Variants in AKNA observed in about 807,000 individuals in gnomAD.
The protein encoded by AKNA is microtubule organization protein AKNA.
Under a neutral mutation model 138.8 loss-of-function variants are expected in AKNA, and 67 were observed. That is an observed-to-expected ratio of 0.48 (90% CI 0.40 to 0.59). AKNA has a LOEUF of 0.59. Among genes scored for constraint, AKNA ranks in the 20% least tolerant of loss-of-function variants. The pLI is 0.00. For synonymous variants in AKNA, 737 were observed against 754.4 expected (o/e 0.98, Z 0.38); for missense variants, 1,813 against 1,880.4 (o/e 0.96, Z 0.66).
chr9:114,358,894 C>T (rs529717776), intron 11 of AKNA, among the ~76,000 whole-genome samples: 17 of 152,058 alleles, frequency 1.1e-4, no homozygotes, highest in South Asian at 8.3e-4. Flanking sequence ...TTAATGGGTG[C>T]AGCACACCAA....
Position 114,359,885 on chromosome 9 carries a change from G to A in AKNA, c.2291+11C>T. ...GGCCAGACACCCTGGTCAGGTCCAG[G>A]TGGCACTCACCGCTCCATGAGGCCA... On this transcript the variant is annotated intron_variant, in intron 10 of 21. Coordinates refer to ENST00000374088, the MANE Select transcript of AKNA (RefSeq NM_001317950.2). 1 of 1,614,200 alleles carries A rather than the reference G, an allele frequency of 6.2e-7. No homozygotes were observed. The highest frequency in any genetic ancestry group is 1.6e-4 in the Middle Eastern group (1 of 6,062).
chr9:114,343,737 T>G lies in AKNA; in HGVS notation c.3728A>C (p.His1243Pro), dbSNP rs1235802410. The change falls in exon 19 of 22, where the codon CAC becomes CCC. Residue 1243 changes from histidine to proline, a missense_variant. Coordinates refer to ENST00000374088, the MANE Select transcript of AKNA (RefSeq NM_001317950.2). ...PKGNGTVSCPHCRPIRTQDAG... is the reference protein window; with the variant it reads ...PKGNGTVSCPPCRPIRTQDAG... ...ATCCTGGGTCCTAATGGGCCGGCAG[T>G]GGGGACAGGAGACTGTGCCATTGCC... is the stretch of plus-strand genomic sequence containing the variant. 1 of 1,614,106 alleles carries G rather than the reference T, an allele frequency of 6.2e-7. No individual in the cohort carries two copies. Among genetic ancestry groups the G allele is most frequent in the Admixed American group, 1.7e-5 (1 of 60,016 alleles).
downstream of AKNA, chr9:114,331,614 A>C (rs1829853118): frequency 6.2e-7 from 1 of 1,613,906 alleles, no homozygotes; most frequent in Non-Finnish European, 8.5e-7. Context: ...TAGGGACACC[A>C]AGACCTTGAT....
chr9:114,387,585 G>T (rs1834128732), intron 1 of AKNA, among the ~76,000 whole-genome samples: 1 of 152,172 alleles, frequency 6.6e-6, no homozygotes, highest in Non-Finnish European at 1.5e-5. Context: ...GACACCCCAG[G>T]CACAGAGATG....
rs769639067 is a variant in AKNA at position 114,345,878 on chromosome 9, G to A, written c.3646C>T (p.Arg1216Trp). The A allele has an allele frequency of 1.2e-4, 190 of 1,613,924 alleles. No homozygotes were observed. Among genetic ancestry groups the A allele is most frequent in the African/African-American group, 1.7e-4 (13 of 74,896 alleles). ...SAGWPDRVTFRGQYTGHEYHV... is the reference protein window; with the variant it reads ...SAGWPDRVTFWGQYTGHEYHV... ...CCTGACCTACCTGTGTATTGGCCCC[G>A]GAAGGTGACCCTGTCTGGCCATCCA... The change falls in exon 18 of 22, where the codon CGG becomes TGG. Residue 1216 changes from arginine (R) to tryptophan (W), a missense_variant. Coordinates refer to ENST00000374088, the MANE Select transcript of AKNA (RefSeq NM_001317950.2).
intron 6 of AKNA, among the ~76,000 whole-genome samples, chr9:114,365,142 G>A (rs894393060): frequency 6.6e-6 from 1 of 151,636 alleles, no homozygotes; most frequent in African/African-American, 2.4e-5. Flanking sequence ...TATCTCTAGA[G>A]GAATTCAAGA....
At chr9:114,348,012 G>T (rs751039275) in intron 15 of AKNA, 112 bp from the exon 16 acceptor site, 1 of 1,167,242 alleles carries the variant, frequency 8.6e-7, no homozygotes, top group Non-Finnish European at 1.2e-6. Flanking sequence ...CAGGCACAGG[G>T]TCTATCTCTG....
intron 6 of AKNA, among the ~76,000 whole-genome samples, chr9:114,366,007 A>G (rs1292305673): frequency 1.3e-5 from 2 of 152,230 alleles, no homozygotes; most frequent in African/African-American, 2.4e-5. Context: ...TGGTGGCAAA[A>G]GGAAACGAAG....
rs767417537 is a variant in AKNA at position 114,350,996 on chromosome 9, C to A, written c.3084G>T (p.Gly1028=). 1.9e-6 allele frequency: 3 copies of A among 1,613,516 alleles called. No homozygotes were observed. The highest frequency in any genetic ancestry group is 2.5e-6 in the Non-Finnish European group (3 of 1,179,882). The part of the protein sequence containing the change: ...EMAVPGSEFE[G]HKRISEQPLP... Reference sequence around the variant, plus strand: ...GGGGCTGTTCAGAAATCCGTTTGTGCCCCTCAAACTCTGAGCCAGGAACCG... The same window carrying A: ...GGGGCTGTTCAGAAATCCGTTTGTGACCCTCAAACTCTGAGCCAGGAACCG... The change falls in exon 15 of 22, where the codon GGG becomes GGT. Residue 1028 remains glycine, a synonymous_variant. Coordinates refer to ENST00000374088, the MANE Select transcript of AKNA (RefSeq NM_001317950.2).
upstream of AKNA, among the ~76,000 whole-genome samples, chr9:114,392,103 T>TAAAAA (rs1193599598): frequency 5.5e-5 from 2 of 36,628 alleles, no homozygotes; most frequent in Admixed American, 3.4e-4. Flanking sequence ...AAGACGCTTG[T>TAAAAA]CAAAAAAAAA....
rs141001554 is a variant in AKNA, at chr9:114,366,924, C to T, written c.1728+619G>A. 6.6e-5 allele frequency among the ~76,000 whole-genome samples: 10 copies of T among 152,272 alleles called. No homozygotes were observed. In the East Asian group the frequency reaches 1.9e-3, roughly 29 times the overall value. On this transcript the variant is annotated intron_variant, in intron 6 of 21. Coordinates refer to ENST00000374088, the MANE Select transcript of AKNA (RefSeq NM_001317950.2). ...TCCAACAGAACATTTTATTTACTCA[C>T]TCCACGTATTTTATTTTTTTCTACC... is the stretch of plus-strand genomic sequence containing the variant.
chr9:114,337,159 G>T lies in AKNA; in HGVS notation c.4215C>A (p.Ala1405=). ...AGCGGACGCTCTCGGCAGCCTGCAC[G>T]GCCCGGCTCAGGGCCTTGTTGAGCT... ...LEELNKALSR[A]VQAAESVRST... The change falls in exon 22 of 22, where the codon GCC becomes GCA. Residue 1405 remains alanine, a synonymous_variant. Coordinates refer to ENST00000374088, the MANE Select transcript of AKNA (RefSeq NM_001317950.2). 1 of 1,610,876 alleles carries T rather than the reference G, an allele frequency of 6.2e-7. No homozygotes were observed. The highest frequency in any genetic ancestry group is 1.7e-5 in the Admixed American group (1 of 59,834).
intron 21 of AKNA, among the ~76,000 whole-genome samples, chr9:114,340,718 C>T (rs1830282900): frequency 6.6e-6 from 1 of 152,198 alleles, no homozygotes; most frequent in Non-Finnish European, 1.5e-5. Flanking sequence ...TGGCCAACTC[C>T]AAACCCAAGC....
chr9:114,363,556 A>G lies in AKNA; in HGVS notation c.1788+1004T>C, dbSNP rs141945521. On this transcript the variant is annotated intron_variant, in intron 7 of 21. Transcript: ENST00000374088. ...TGATTGGAAAATGTACATGACATCTATGTAACCACACAGGAAATATCCTGC... is the reference window on the plus strand; with the variant it reads ...TGATTGGAAAATGTACATGACATCTGTGTAACCACACAGGAAATATCCTGC... Among the ~76,000 whole-genome samples, 78 of 152,368 alleles carry G rather than the reference A, an allele frequency of 5.1e-4. 1 individual carries two copies. Among genetic ancestry groups the G allele is most frequent in the African/African-American group, 1.7e-3 (71 of 41,582 alleles).
chr9:114,372,964 C>CGG (rs558347748), intron 4 of AKNA, among the ~76,000 whole-genome samples: 411 of 26,074 alleles, frequency 0.016, 23 homozygotes, highest in South Asian at 0.084. Context: ...GGGGACGCAG[C>CGG]GGGGGGGGGG....
intron 4 of AKNA, 94 bp from the exon 5 acceptor site, chr9:114,368,689 C>G: frequency 9.3e-7 from 1 of 1,078,792 alleles, no homozygotes. Context: ...AACACACATG[C>G]CCTGTAGTAA....
chr9:114,394,036 G>C (rs1221712570), intron 1 of AKNA, among the ~76,000 whole-genome samples: 1 of 152,052 alleles, frequency 6.6e-6, no homozygotes, highest in Non-Finnish European at 1.5e-5. Context: ...AGCTGGGTGT[G>C]GTGACGTGCA....
In AKNA at chr9:114,334,505, T is replaced by C. The variant is rs367854724; in HGVS notation, c.*2549A>G. 2.4e-4 allele frequency: 35 copies of C among 146,446 alleles called. 2 individuals are homozygous for C. The highest frequency in any genetic ancestry group is 1.1e-3 in the East Asian group (6 of 5,290). 9.1% of individuals were successfully genotyped at this position (146,446 alleles called of 1,614,324 possible). A position where few individuals can be genotyped will look rare whatever the true frequency, so the allele number is the denominator to read the frequency against. On this transcript the variant is annotated 3_prime_UTR_variant, in exon 22 of 22. Transcript: ENST00000374088. ...ACCTGGGAGACCCAGAAGAAGGAGATAACACGTAAGGGTGAGGCTGGTCCC... is the reference window on the plus strand; with the variant it reads ...ACCTGGGAGACCCAGAAGAAGGAGACAACACGTAAGGGTGAGGCTGGTCCC...
rs1833652465 is a variant in AKNA, at chr9:114,381,287, C to T, written c.47G>A (p.Gly16Glu). The change falls in exon 2 of 22, where the codon GGG becomes GAG. Residue 16 changes from glycine (G) to glutamate (E), a missense_variant. By Grantham distance (98) the Gly-to-Glu change is moderately conservative. Transcript: ENST00000374088. ...TEIRWAEPGL[G>E]KGPQRRRWAW... ...CCAGCGCCGCCGCTGGGGGCCCTTC[C>T]CCAGGCCAGGCTCAGCCCAGCGGAT... 1 of 1,611,582 alleles carries T rather than the reference C, an allele frequency of 6.2e-7. No individual in the cohort carries two copies. The highest frequency in any genetic ancestry group is 1.7e-5 in the Admixed American group (1 of 59,686).
Sources: allele counts gnomAD v4.1 joint callset (sites outside exome capture counted in the v4.1 genomes callset), GRCh38; gene constraint gnomAD v4.1.1; transcripts MANE v1.5; gene names NCBI Gene and HGNC (gene_info 2026-07-23, HGNC 2026-07-21).